SLC25A15: variants seen among roughly 807,000 people sequenced by gnomAD.
SLC25A15 encodes mitochondrial ornithine transporter 1.
A neutral mutation model predicts 32.3 loss-of-function variants in SLC25A15; 24 were observed. The ratio of observed to expected loss-of-function variants is 0.74; its 90% CI spans 0.54 to 1.04. The LOEUF is 1.04. Among genes scored for constraint, SLC25A15 ranks in the 50% least tolerant of loss-of-function variants. SLC25A15 has a pLI of 0.00. For synonymous variants in SLC25A15, 132 were observed against 142.1 expected, an observed-to-expected ratio of 0.93 and a Z score of 0.51; for missense variants, 317 against 374.5, an observed-to-expected ratio of 0.85 and a Z score of 1.27.
At chr13:40,799,714 G>A (rs1881808501) in intron 3 of SLC25A15, among the ~76,000 whole-genome samples, 1 of 150,976 alleles carries the variant, frequency 6.6e-6, no homozygotes, top group South Asian at 2.1e-4. Flanking sequence ...GTTTTCTCCA[G>A]GAGAATGCTG....
intron 3 of SLC25A15, among the ~76,000 whole-genome samples, chr13:40,800,600 G>A (rs930126860): frequency 1.3e-5 from 2 of 152,194 alleles, no homozygotes; most frequent in African/African-American, 4.8e-5. Context: ...AGATTCTGGG[G>A]AAGACCTGTG....
In SLC25A15 at chr13:40,801,227, C is replaced by G. The variant is rs541283389; in HGVS notation, c.314+1912C>G. ...TGGGCAACAGAGCGAGACTGTGTCT[C>G]TCAAAAAAAAAAAAAAAAGAAAAGA... is the stretch of plus-strand genomic sequence containing the variant. On this transcript the variant is annotated intron_variant, in intron 3 of 6. Transcript: ENST00000338625. 8.7e-3 allele frequency among the ~76,000 whole-genome samples: 1,212 copies of G among 139,500 alleles called. 17 individuals carry two copies. The highest frequency in any genetic ancestry group is 0.028 in the African/African-American group (1,064 of 37,502). The allele number at this position is 139,500 out of a possible 152,430, so 91.5% of individuals were successfully genotyped here.
rs111782657 is a variant in SLC25A15, at chr13:40,810,351, C to T, written c.*684C>T. ...TTTTTTTTGGTATTTTTTGTAGAGA[C>T]GAGGTTTCACCATGTTGTCCAGGTT... On this transcript the variant is annotated 3_prime_UTR_variant, in exon 7 of 7. Transcript: ENST00000338625. 0.071 allele frequency among the ~76,000 whole-genome samples: 10,868 copies of T among 152,000 alleles called. 1,036 individuals are homozygous for T. Among genetic ancestry groups the T allele is most frequent in the African/African-American group, 0.21 (8,755 of 41,406 alleles).
At chr13:40,799,946 A>C (rs1881815827) in intron 3 of SLC25A15, among the ~76,000 whole-genome samples, 3 of 152,224 alleles carry the variant, frequency 2.0e-5, no homozygotes, top group African/African-American at 7.2e-5. Context: ...TCTTCCCAAA[A>C]CATCAGACTT....
Position 40,812,074 on chromosome 13 carries a change from T to C in SLC25A15, c.*2407T>C, listed in dbSNP as rs777575420. On this transcript the variant is annotated 3_prime_UTR_variant, in exon 7 of 7. Transcript: ENST00000338625. ...TCTCCATACTTAAATGGTCAGTAGC[T>C]ACTGAGTGGTGCTTTATCTGAATAG... 6.6e-6 allele frequency among the ~76,000 whole-genome samples: 1 copy of C among 152,228 alleles called. No homozygotes were observed. The highest frequency in any genetic ancestry group is 1.5e-5 in the Non-Finnish European group (1 of 68,030).
chr13:40,793,132 A>T (rs1353013504), intron 1 of SLC25A15, 26 bp from the exon 2 acceptor site: 1 of 1,246,898 alleles, frequency 8.0e-7, no homozygotes, highest in Non-Finnish European at 1.2e-6. Flanking sequence ...GACTTGGACT[A>T]ATGGTGAACT....
chr13:40,803,313 C>G (rs1881975530), intron 3 of SLC25A15, among the ~76,000 whole-genome samples: 1 of 151,572 alleles, frequency 6.6e-6, no homozygotes, highest in South Asian at 2.1e-4. Context: ...CTCCCTGGTT[C>G]AAGCGCTTCT....
intron 1 of SLC25A15, among the ~76,000 whole-genome samples, chr13:40,791,879 G>A (rs745828320): frequency 7.2e-5 from 11 of 152,202 alleles, no homozygotes; most frequent in Non-Finnish European, 1.6e-4. Flanking sequence ...GATGCTTCAA[G>A]AGGTTTAAAC....
intron 2 of SLC25A15, among the ~76,000 whole-genome samples, chr13:40,796,104 G>A (rs548594065): frequency 2.1e-4 from 32 of 152,324 alleles, no homozygotes; most frequent in Middle Eastern, 3.4e-3. Context: ...CAGAGGACCT[G>A]TTGTGTTTTG....
intron 4 of SLC25A15, 41 bp downstream of exon 4, chr13:40,805,296 C>G (rs1034985236): frequency 6.2e-7 from 1 of 1,611,676 alleles, no homozygotes; most frequent in Non-Finnish European, 8.5e-7. Flanking sequence ...CTCTATTGCC[C>G]TAGTGTATTG....
rs557347668 is a variant in SLC25A15 at position 40,792,441 on chromosome 13, G to A, written c.-69-717G>A. Among the ~76,000 whole-genome samples the A allele has an allele frequency of 1.1e-4, 16 of 152,334 alleles. 1 individual carries two copies. Among genetic ancestry groups the A allele is most frequent in the South Asian group, 1.0e-3 (5 of 4,828 alleles). ...AGGCCCCCAGGCTACTCCTGCACACGTTTACATTTGAAGGGCTGGTGGTCT... is the reference window on the plus strand; with the variant it reads ...AGGCCCCCAGGCTACTCCTGCACACATTTACATTTGAAGGGCTGGTGGTCT... On this transcript the variant is annotated intron_variant, in intron 1 of 6. Coordinates refer to ENST00000338625, the MANE Select transcript of SLC25A15 (RefSeq NM_014252.4).
intron 4 of SLC25A15, 67 bp from the exon 5 acceptor site, chr13:40,807,227 A>G: frequency 5.4e-6 from 8 of 1,473,314 alleles, no homozygotes; most frequent in Non-Finnish European, 7.6e-6. Flanking sequence ...AATTGGTTGC[A>G]AATGCCCTTG....
chr13:40,808,194 A>G (rs1882274850), intron 5 of SLC25A15, among the ~76,000 whole-genome samples: 1 of 152,222 alleles, frequency 6.6e-6, no homozygotes, highest in Non-Finnish European at 1.5e-5. Context: ...CAAGCGAAAT[A>G]TAACCCTCAC....
intron 3 of SLC25A15, 110 bp from the exon 4 acceptor site, chr13:40,805,008 G>T: frequency 7.8e-7 from 1 of 1,280,720 alleles, no homozygotes; most frequent in African/African-American, 1.5e-5. Context: ...ACAGGTTCAT[G>T]CCCTCACGCC....
intron 2 of SLC25A15, among the ~76,000 whole-genome samples, chr13:40,795,119 C>T (rs1354198970): frequency 1.3e-5 from 2 of 152,150 alleles, no homozygotes; most frequent in Non-Finnish European, 2.9e-5. Context: ...GCCTCCCAAG[C>T]CCCTTTCCCC....
Position 40,808,792 on chromosome 13 carries a change from A to G in SLC25A15, c.781+196A>G, listed in dbSNP as rs202148314. 5.4e-4 allele frequency among the ~76,000 whole-genome samples: 82 copies of G among 151,958 alleles called. 2 individuals carry two copies. The East Asian group carries it at 0.012, about 23-fold the overall frequency. On this transcript the variant is annotated intron_variant, in intron 6 of 6. Coordinates refer to ENST00000338625, the MANE Select transcript of SLC25A15 (RefSeq NM_014252.4). ...ACTAAAAATACCAAAAAAATCAGCC[A>G]GGCGTGGTGGCAGGCACCTGTAGTC... is the stretch of plus-strand genomic sequence containing the variant.
Position 40,810,960 on chromosome 13 carries a change from G to T in SLC25A15, c.*1293G>T. The T allele has an allele frequency of 4.4e-6, 2 of 454,548 alleles. No individual in the cohort carries two copies. The highest frequency in any genetic ancestry group is 9.0e-6 in the Non-Finnish European group (2 of 223,046). The allele number at this position is 454,548 out of a possible 1,614,324, so 28.2% of individuals were successfully genotyped here. A position where few individuals can be genotyped will look rare whatever the true frequency, so the allele number is the denominator to read the frequency against. Reference sequence around the variant, plus strand: ...GGAACAGTGAGAGCCAAAGCCAAGAGAAGCCTTCTTCCCTGTTTGGTGATT... The same window carrying T: ...GGAACAGTGAGAGCCAAAGCCAAGATAAGCCTTCTTCCCTGTTTGGTGATT... On this transcript the variant is annotated 3_prime_UTR_variant, in exon 7 of 7. Coordinates refer to ENST00000338625, the MANE Select transcript of SLC25A15 (RefSeq NM_014252.4).
chr13:40,804,699 G>A (rs1289233442), intron 3 of SLC25A15, among the ~76,000 whole-genome samples: 1 of 147,732 alleles, frequency 6.8e-6, no homozygotes, highest in African/African-American at 2.6e-5. Context: ...CCACCACTAC[G>A]CCCGGCTAAT....
chr13:40,805,160 T>G lies in SLC25A15; in HGVS notation c.357T>G (p.Phe119Leu). 2.5e-6 allele frequency: 4 copies of G among 1,614,226 alleles called. No individual in the cohort carries two copies. The highest frequency in any genetic ancestry group is 2.5e-6 in the Non-Finnish European group (3 of 1,180,038). Residue 119 changes from phenylalanine to leucine, a missense_variant, in exon 4 of 7, where the codon TTT becomes TTG. Coordinates refer to ENST00000338625, the MANE Select transcript of SLC25A15 (RefSeq NM_014252.4). ...NAAAGSFASA[F>L]AALVLCPTEL... Reference sequence around the variant, plus strand: ...CCGCCGGTTCCTTCGCCTCTGCCTTTGCTGCACTGGTGCTCTGCCCCACGG... The same window carrying G: ...CCGCCGGTTCCTTCGCCTCTGCCTTGGCTGCACTGGTGCTCTGCCCCACGG...
Sources: allele counts gnomAD v4.1 joint callset (sites outside exome capture counted in the v4.1 genomes callset), GRCh38; gene constraint gnomAD v4.1.1; transcripts MANE v1.5; gene names NCBI Gene and HGNC (gene_info 2026-07-23, HGNC 2026-07-21).